XXYLT1: variants seen among roughly 807,000 people sequenced by gnomAD.
XXYLT1 encodes xyloside xylosyltransferase 1.
XXYLT1 carries 20 observed loss-of-function variants against 28.9 expected under a neutral mutation model. That is an observed-to-expected ratio of 0.69 (90% CI 0.49 to 1.00). XXYLT1 has a LOEUF of 1.00. Ranked by LOEUF, XXYLT1 falls within the 50% of genes least tolerant of loss-of-function variation. The probability of loss-of-function intolerance (pLI) is 0.00; values close to 1 mark genes in which losing one functional copy is unlikely to be tolerated. For missense variants in XXYLT1, 542 were observed against 560.1 expected (o/e 0.97, Z 0.33); for synonymous variants, 257 against 253.8 (o/e 1.01, Z -0.12).
chr3:195,256,674 G>T lies in XXYLT1; in HGVS notation c.504+13881C>A. ...GAGAACAGACTGTTACTCAGAGCCG[G>T]AGCGTCCCCACTCCTCTTATGATGA... On this transcript the variant is annotated intron_variant, in intron 1 of 3. Coordinates refer to ENST00000310380, the MANE Select transcript of XXYLT1 (RefSeq NM_152531.5). The surrounding 1 kb of genome is among the most constrained non-coding windows in gnomAD (Gnocchi z 4.2). 1.4e-6 allele frequency: 1 copy of T among 728,920 alleles called. No individual in the cohort carries two copies. The highest frequency in any genetic ancestry group is 1.7e-6 in the Non-Finnish European group (1 of 595,596). The allele number at this position is 728,920 out of a possible 1,614,324, so 45.2% of individuals were successfully genotyped here. A position where few individuals can be genotyped will look rare whatever the true frequency, so the allele number is the denominator to read the frequency against.
intron 2 of XXYLT1, among the ~76,000 whole-genome samples, chr3:195,205,523 C>T (rs758467344): frequency 2.6e-5 from 4 of 152,180 alleles, no homozygotes; most frequent in Non-Finnish European, 5.9e-5. Context: ...AAAGGCAGCA[C>T]GAAGGATCTT....
At position 195,173,967 on chromosome 3, in the gene XXYLT1, G is replaced by A. The variant is rs527298569; in HGVS notation, c.653-17386C>T. Among the ~76,000 whole-genome samples, 1 of 152,354 alleles carries A rather than the reference G, an allele frequency of 6.6e-6. No homozygotes were observed. Among genetic ancestry groups the A allele is most frequent in the South Asian group, 2.1e-4 (1 of 4,830 alleles). On this transcript the variant is annotated intron_variant, in intron 2 of 3. Transcript: ENST00000310380. This position sits in a 1 kb window ranked among gnomAD's most constrained non-coding sequence, Gnocchi z 4.3. Reference sequence around the variant, plus strand: ...CCGCTGGCTCCCTCGGGTTGCAGGAGCAGAGTGACATACTCAGAGTCCCTC... The same window carrying A: ...CCGCTGGCTCCCTCGGGTTGCAGGAACAGAGTGACATACTCAGAGTCCCTC...
At chr3:195,110,323 G>GT (rs561073733) in intron 3 of XXYLT1, among the ~76,000 whole-genome samples, 13,296 of 17,080 alleles carry the variant, frequency 0.78, 4,950 homozygotes, top group East Asian at 0.9. Flanking sequence ...TGTGGGTGAG[G>GT]GTGAGGTGTG....
intron 3 of XXYLT1, among the ~76,000 whole-genome samples, chr3:195,131,988 G>C (rs9851554): frequency 2.2e-4 from 33 of 152,318 alleles, no homozygotes; most frequent in African/African-American, 7.2e-4. Flanking sequence ...CCAAGAGGAA[G>C]ATGCTAGAAG....
chr3:195,144,378 G>A (rs561873179), intron 3 of XXYLT1, among the ~76,000 whole-genome samples: 79 of 151,912 alleles, frequency 5.2e-4, no homozygotes, highest in African/African-American at 1.9e-3. Context: ...GGGTCAAACG[G>A]TTCCTCCTTT....
intron 1 of XXYLT1, among the ~76,000 whole-genome samples, chr3:195,266,790 AG>A (rs925966061): frequency 2.6e-5 from 4 of 152,174 alleles, no homozygotes; most frequent in Non-Finnish European, 5.9e-5. Context: ...GGCCCCACCC[AG>A]GAGATTCTGA....
chr3:195,203,670 C>A (rs1433461150), intron 2 of XXYLT1, among the ~76,000 whole-genome samples: 1 of 152,036 alleles, frequency 6.6e-6, no homozygotes, highest in African/African-American at 2.4e-5. Context: ...GTGTCAGTGT[C>A]TCTCCAGCAG....
chr3:195,109,962 GTGT>G (rs1350602649), intron 3 of XXYLT1, among the ~76,000 whole-genome samples: 3 of 60,168 alleles, frequency 5.0e-5, no homozygotes, highest in African/African-American at 1.5e-4. Context: ...GCATGTGTGT[GTGT>G]TGTGTGTATG....
At chr3:195,110,102 GGTGTA>G (rs1717441204) in intron 3 of XXYLT1, among the ~76,000 whole-genome samples, 1 of 59,350 alleles carries the variant, frequency 1.7e-5, no homozygotes, top group African/African-American at 5.1e-5. Context: ...GTGCGTGTGT[GGTGTA>G]TGTGTGCATG....
At chr3:195,172,563 T>C (rs1471399375) in intron 2 of XXYLT1, among the ~76,000 whole-genome samples, 1 of 152,178 alleles carries the variant, frequency 6.6e-6, no homozygotes, top group Non-Finnish European at 1.5e-5. Context: ...ATTACACCCC[T>C]ACTGTGAACC....
chr3:195,238,175 A>G (rs897308974), intron 1 of XXYLT1, among the ~76,000 whole-genome samples: 10 of 152,120 alleles, frequency 6.6e-5, no homozygotes, highest in Admixed American at 4.6e-4. Flanking sequence ...GTGACTGGGC[A>G]GCACTGAACC....
intron 2 of XXYLT1, 41 bp from the exon 3 acceptor site, chr3:195,156,622 TC>T: frequency 6.2e-7 from 1 of 1,604,820 alleles, no homozygotes; most frequent in Non-Finnish European, 8.5e-7. Flanking sequence ...CAGGTACACC[TC>T]CTGGGAGGCT....
chr3:195,236,896 C>A (rs915940638), intron 1 of XXYLT1, among the ~76,000 whole-genome samples: 11 of 152,140 alleles, frequency 7.2e-5, no homozygotes, highest in African/African-American at 4.8e-5. Flanking sequence ...CATCTAAGAT[C>A]TAGGGCATGG....
At chr3:195,126,965 T>C (rs1289393087) in intron 3 of XXYLT1, among the ~76,000 whole-genome samples, 1 of 152,222 alleles carries the variant, frequency 6.6e-6, no homozygotes, top group Non-Finnish European at 1.5e-5. Context: ...GGTCTTTTCA[T>C]CTTCCCATGT....
At chr3:195,199,316 A>G (rs1722754498) in intron 2 of XXYLT1, among the ~76,000 whole-genome samples, 2 of 152,132 alleles carry the variant, frequency 1.3e-5, no homozygotes, top group African/African-American at 4.8e-5. Context: ...CTACATATAA[A>G]AAGAATCTTT....
chr3:195,211,521 C>G (rs867824856), intron 2 of XXYLT1, among the ~76,000 whole-genome samples: 2 of 152,226 alleles, frequency 1.3e-5, no homozygotes, highest in African/African-American at 4.8e-5. Flanking sequence ...TATTTATTGA[C>G]TGCCTACTAT....
At chr3:195,220,488 A>T (rs1234598944) in intron 2 of XXYLT1, among the ~76,000 whole-genome samples, 1 of 152,094 alleles carries the variant, frequency 6.6e-6, no homozygotes, top group Non-Finnish European at 1.5e-5. Flanking sequence ...TCTTTTAAAT[A>T]ACCTCCCAAG....
chr3:195,163,366 G>C (rs1720967229), intron 2 of XXYLT1, among the ~76,000 whole-genome samples: 2 of 152,076 alleles, frequency 1.3e-5, no homozygotes, highest in South Asian at 4.1e-4. Context: ...CTAAAATTAG[G>C]TAAACTAACA....
At chr3:195,185,825 C>T (rs1184121011) in intron 2 of XXYLT1, among the ~76,000 whole-genome samples, 1 of 152,164 alleles carries the variant, frequency 6.6e-6, no homozygotes, top group Admixed American at 6.5e-5. Context: ...CATACCTGGA[C>T]ACTCCCTCTC....
Sources: allele counts gnomAD v4.1 joint callset (sites outside exome capture counted in the v4.1 genomes callset), GRCh38; gene constraint gnomAD v4.1.1; non-coding constraint Gnocchi (gnomAD v3.1); transcripts MANE v1.5; gene names NCBI Gene and HGNC (gene_info 2026-07-23, HGNC 2026-07-21).